Variants in TMEM196 observed in about 807,000 individuals in gnomAD.
TMEM196 encodes the protein transmembrane protein 196.
Under a neutral mutation model 20.0 loss-of-function variants are expected in TMEM196, and 17 were observed. The ratio of observed to expected loss-of-function variants is 0.85; its 90% CI spans 0.58 to 1.27. The LOEUF (loss-of-function observed/expected upper bound fraction) is 1.27, where lower values mean the gene tolerates loss of function less well. Among genes scored for constraint, TMEM196 ranks in the 50% most tolerant of loss-of-function variants. TMEM196 has a pLI of 0.00. For missense variants in TMEM196, 267 were observed against 223.0 expected, an observed-to-expected ratio of 1.20 and a Z score of -1.26; for synonymous variants, 113 against 88.9, an observed-to-expected ratio of 1.27 and a Z score of -1.52.
intron 1 of TMEM196, among the ~76,000 whole-genome samples, chr7:19,747,012 T>C (rs1784778677): frequency 6.6e-6 from 1 of 152,080 alleles, no homozygotes; most frequent in South Asian, 2.1e-4. Context: ...TCCCAGCACT[T>C]TGGGAGGCCG....
At position 19,725,569 on chromosome 7, in the gene TMEM196, C is replaced by A. The variant is rs201182312; in HGVS notation, c.404G>T (p.Arg135Met). 1.2e-6 allele frequency: 2 copies of A among 1,613,968 alleles called. No homozygotes were observed. The highest frequency in any genetic ancestry group is 1.7e-6 in the Non-Finnish European group (2 of 1,179,878). The change falls in exon 3 of 5, where the codon AGG becomes ATG. Residue 135 changes from arginine to methionine, a missense_variant. Transcript: ENST00000405844. ...TCRLASYEQR[R>M]MFSEREHSLH... is the part of the protein sequence containing the mutation. ...GGAATGCTCCCTTTCTGAGAACATC[C>A]TCCTCTGTTCATAACTGGCTAGTCG...
chr7:19,770,857 A>G (rs1785843205), intron 1 of TMEM196, among the ~76,000 whole-genome samples: 1 of 152,164 alleles, frequency 6.6e-6, no homozygotes, highest in Non-Finnish European at 1.5e-5. Context: ...TACTAAGCTA[A>G]CATAACCATT....
At chr7:19,733,693 G>A (rs1186106251) in intron 1 of TMEM196, among the ~76,000 whole-genome samples, 1 of 151,686 alleles carries the variant, frequency 6.6e-6, no homozygotes, top group Non-Finnish European at 1.5e-5. Context: ...GGAGAGGCAG[G>A]AATTCATCTT....
chr7:19,721,997 C>G lies in TMEM196; in HGVS notation c.*131G>C, dbSNP rs1407314728. The G allele has an allele frequency of 8.1e-6, 10 of 1,241,714 alleles. No individual in the cohort carries two copies. Among genetic ancestry groups the G allele is most frequent in the Admixed American group, 6.2e-5 (3 of 48,312 alleles). 76.9% of individuals were successfully genotyped at this position (1,241,714 alleles called of 1,614,324 possible). A position where few individuals can be genotyped will look rare whatever the true frequency, so the allele number is the denominator to read the frequency against. ...GGAGAGATAAATGCAAATGCAAAAA[C>G]TGTTTTATTTTCTAGTCCTTTGGTG... On this transcript the variant is annotated 3_prime_UTR_variant, in exon 5 of 5. Coordinates refer to ENST00000405844, the MANE Select transcript of TMEM196 (RefSeq NM_001363562.2).
intron 2 of TMEM196, among the ~76,000 whole-genome samples, chr7:19,728,213 CTCTT>C (rs537993437): frequency 1.3e-5 from 2 of 150,710 alleles, no homozygotes; most frequent in South Asian, 4.2e-4. Context: ...TCTCTTTTTT[CTCTT>C]TCTCTTTCCT....
At chr7:19,771,947 A>G (rs1785897983) in intron 1 of TMEM196, among the ~76,000 whole-genome samples, 1 of 152,224 alleles carries the variant, frequency 6.6e-6, no homozygotes, top group East Asian at 1.9e-4. Context: ...GAGGTGAAAT[A>G]TCAGAAATGT....
intron 3 of TMEM196, among the ~76,000 whole-genome samples, chr7:19,724,958 C>T (rs1252195543): frequency 6.6e-6 from 1 of 152,174 alleles, no homozygotes; most frequent in Non-Finnish European, 1.5e-5. Flanking sequence ...TATGCAAGGA[C>T]AACTGTTTAA....
intron 1 of TMEM196, among the ~76,000 whole-genome samples, chr7:19,735,273 G>GAA (rs2128019515): frequency 6.6e-6 from 1 of 152,210 alleles, no homozygotes; most frequent in South Asian, 2.1e-4. Context: ...TTTAAAAAGT[G>GAA]AAACTATGCA....
intron 1 of TMEM196, among the ~76,000 whole-genome samples, chr7:19,730,620 C>A (rs888352099): frequency 1.3e-5 from 2 of 152,168 alleles, no homozygotes; most frequent in Non-Finnish European, 2.9e-5. Context: ...TCAGAACTAA[C>A]AATATAGCTT....
intron 1 of TMEM196, among the ~76,000 whole-genome samples, chr7:19,734,517 G>A (rs1441288893): frequency 3.3e-5 from 5 of 152,340 alleles, no homozygotes; most frequent in African/African-American, 1.2e-4. Flanking sequence ...GTAATCACAA[G>A]GGTCATTTAA....
intron 1 of TMEM196, among the ~76,000 whole-genome samples, chr7:19,765,645 C>T (rs150242350): frequency 1.3e-5 from 2 of 152,022 alleles, no homozygotes; most frequent in African/African-American, 4.8e-5. Context: ...ATATAATTAT[C>T]TTGTTAATCT....
intron 1 of TMEM196, among the ~76,000 whole-genome samples, chr7:19,751,210 C>A (rs545962198): frequency 4.3e-4 from 65 of 152,286 alleles, no homozygotes; most frequent in African/African-American, 1.5e-3. Flanking sequence ...TAACAGAATG[C>A]AACTATACAG....
chr7:19,724,687 G>A (rs1485170371), intron 3 of TMEM196, among the ~76,000 whole-genome samples: 2 of 152,134 alleles, frequency 1.3e-5, no homozygotes, highest in African/African-American at 2.4e-5. Flanking sequence ...ATAAAGAGAT[G>A]TGCAGTAAGT....
rs1417983349 is a variant in TMEM196 at position 19,740,012 on chromosome 7, G to A, written c.148-10574C>T. On this transcript the variant is annotated intron_variant, in intron 1 of 4. Coordinates refer to ENST00000405844, the MANE Select transcript of TMEM196 (RefSeq NM_001363562.2). ...CCTTTGCCTCAGCAGTCCCACAAGT[G>A]AGAAGTTATCCAACAGATTTAGCTG... is the stretch of plus-strand genomic sequence containing the variant. 2.0e-5 allele frequency among the ~76,000 whole-genome samples: 3 copies of A among 152,096 alleles called. No individual in the cohort carries two copies. In the East Asian group the frequency reaches 5.8e-4, roughly 29 times the overall value.
chr7:19,737,248 T>G (rs1784437099), intron 1 of TMEM196, among the ~76,000 whole-genome samples: 1 of 151,864 alleles, frequency 6.6e-6, no homozygotes, highest in African/African-American at 2.4e-5. Context: ...AATTATAAAT[T>G]TAAACAACAG....
At chr7:19,765,311 A>G (rs1402852411) in intron 1 of TMEM196, among the ~76,000 whole-genome samples, 2 of 152,182 alleles carry the variant, frequency 1.3e-5, no homozygotes, top group Admixed American at 6.5e-5. Context: ...ATTACGAACT[A>G]ATGGAACTTA....
At chr7:19,730,210 C>G (rs1429031984) in intron 1 of TMEM196, among the ~76,000 whole-genome samples, 1 of 150,742 alleles carries the variant, frequency 6.6e-6, no homozygotes, top group Admixed American at 6.6e-5. Flanking sequence ...GAGCCAAGAT[C>G]GCGCCACTGC....
At chr7:19,730,657 T>C (rs1328255174) in intron 1 of TMEM196, among the ~76,000 whole-genome samples, 1 of 152,216 alleles carries the variant, frequency 6.6e-6, no homozygotes, top group Non-Finnish European at 1.5e-5. Context: ...GACACCTGGA[T>C]AGATTTATTT....
Position 19,729,394 on chromosome 7 carries a change from T to G in TMEM196, c.192A>C (p.Lys64Asn). Residue 64 changes from lysine to asparagine, a missense_variant, in exon 2 of 5, where the codon AAA (lysine) becomes AAC (asparagine). Lys to Asn is a moderately conservative substitution (Grantham distance 94). Transcript: ENST00000405844. ...ATCAAACACTTACGACAAGTCCTGA[T>G]TTTTTTTTGGCACACAATATTCCAC... Reference protein sequence around the residue: ...GICGILCAKKKSGLVMILFSA... With the variant: ...GICGILCAKKNSGLVMILFSA... 1 of 1,498,562 alleles carries G rather than the reference T, an allele frequency of 6.7e-7. No homozygotes were observed. Among genetic ancestry groups the G allele is most frequent in the South Asian group, 1.3e-5 (1 of 79,410 alleles). 92.8% of individuals were successfully genotyped at this position (1,498,562 alleles called of 1,614,324 possible).
Sources: gnomAD v4.1 joint callset for allele counts (sites outside exome capture counted in the v4.1 genomes callset) on GRCh38, gnomAD v4.1.1 for gene constraint, MANE v1.5 for transcripts, NCBI Gene and HGNC (gene_info 2026-07-23, HGNC 2026-07-21) for gene names.